The following MYSM1 variants were observed in gnomAD, a reference collection of about 807,000 sequenced individuals.
MYSM1 encodes Myb like, SWIRM and MPN domains 1.
Under a neutral mutation model 116.0 loss-of-function variants are expected in MYSM1, and 51 were observed. That is an observed-to-expected ratio of 0.44 (90% confidence interval 0.35 to 0.56). MYSM1 has a LOEUF of 0.56. Among genes scored for constraint, MYSM1 ranks in the 20% least tolerant of loss-of-function variants. The pLI is 0.00. For synonymous variants in MYSM1, 313 were observed against 315.2 expected, an observed-to-expected ratio of 0.99 and a Z score of 0.07; for missense variants, 900 against 974.9, an observed-to-expected ratio of 0.92 and a Z score of 1.02.
At chr1:58,677,967 G>T (rs969497743) in intron 8 of MYSM1, among the ~76,000 whole-genome samples, 2 of 151,986 alleles carry the variant, frequency 1.3e-5, no homozygotes, top group South Asian at 2.1e-4. Context: ...TTTCTCATTC[G>T]ATCATTATTT....
At position 58,655,498 on chromosome 1, in the gene MYSM1, C is replaced by A. The variant is rs781126913; in HGVS notation, c.*4499G>T. 2.0e-4 allele frequency: 30 copies of A among 152,076 alleles called. No individual in the cohort carries two copies. The highest frequency in any genetic ancestry group is 4.3e-4 in the Non-Finnish European group (29 of 67,996). The allele number at this position is 152,076 out of a possible 1,614,324, so 9.4% of individuals were successfully genotyped here. On this transcript the variant is annotated 3_prime_UTR_variant, in exon 20 of 20. Coordinates refer to ENST00000472487, the MANE Select transcript of MYSM1 (RefSeq NM_001085487.3). ...TTTTTTCCTGATTTAGTGGAGGCAA[C>A]TATTTATTCCCTCCCTTGTTCCAGG... is the stretch of plus-strand genomic sequence containing the variant.
At chr1:58,661,294 A>T (rs1644387687) in intron 18 of MYSM1, 67 bp from the exon 19 acceptor site, 2 of 1,394,164 alleles carry the variant, frequency 1.4e-6, no homozygotes, top group Non-Finnish European at 2.0e-6. Context: ...TTCATAATAA[A>T]CTATCACGGA....
Position 58,671,242 on chromosome 1 carries a change from G to A in MYSM1, c.1661+628C>T, listed in dbSNP as rs376984737. 5.1e-4 allele frequency among the ~76,000 whole-genome samples: 78 copies of A among 152,200 alleles called. 2 individuals carry two copies. The South Asian group carries it at 0.015, about 29-fold the overall frequency. ...CAGGGTTGTCATGAAGACTATATGA[G>A]CTAATAAATATAAAGTGCTTAAAAT... On this transcript the variant is annotated intron_variant, in intron 12 of 19. Transcript: ENST00000472487.
intron 6 of MYSM1, among the ~76,000 whole-genome samples, chr1:58,686,145 A>C (rs1299788404): frequency 6.6e-6 from 1 of 152,008 alleles, no homozygotes; most frequent in Non-Finnish European, 1.5e-5. Flanking sequence ...CCCTCCAACT[A>C]ATGCCTTCTG....
At chr1:58,698,612 A>G (rs190959735) in intron 1 of MYSM1, among the ~76,000 whole-genome samples, 1 of 152,324 alleles carries the variant, frequency 6.6e-6, no homozygotes, top group Admixed American at 6.5e-5. Context: ...CAATGCCCTC[A>G]GGTGACCAAT....
chr1:58,672,793 C>T (rs556465835), intron 11 of MYSM1, among the ~76,000 whole-genome samples: 25 of 152,130 alleles, frequency 1.6e-4, no homozygotes, highest in Non-Finnish European at 2.8e-4. Flanking sequence ...TTGGGAGAAA[C>T]TTACAATTCT....
chr1:58,661,879 T>C (rs1196891423), intron 17 of MYSM1, among the ~76,000 whole-genome samples: 1 of 152,048 alleles, frequency 6.6e-6, no homozygotes. Context: ...GGGATTATCC[T>C]AGACAAACTA....
chr1:58,672,562 T>A (rs1160448624), intron 11 of MYSM1, among the ~76,000 whole-genome samples: 1 of 152,178 alleles, frequency 6.6e-6, no homozygotes, highest in African/African-American at 2.4e-5. Flanking sequence ...TATAAGTGTT[T>A]ATAAAATAAA....
In MYSM1 at chr1:58,655,316, G is replaced by C. The variant is rs2100571303; in HGVS notation, c.*4681C>G. 2.9e-5 allele frequency: 1 copy of C among 34,356 alleles called. No individual in the cohort carries two copies. Among genetic ancestry groups the C allele is most frequent in the Middle Eastern group, 9.4e-3 (1 of 106 alleles). The allele number at this position is 34,356 out of a possible 1,614,324, so 2.1% of individuals were successfully genotyped here. A position where few individuals can be genotyped will look rare whatever the true frequency, so the allele number is the denominator to read the frequency against. On this transcript the variant is annotated 3_prime_UTR_variant, in exon 20 of 20. Transcript: ENST00000472487. Reference sequence around the variant, plus strand: ...GGAAATGTCAAAAATAGCAAATCAGGCATTTTTTTCCCCTGAAATTAAAGT... The same window carrying C: ...GGAAATGTCAAAAATAGCAAATCAGCCATTTTTTTCCCCTGAAATTAAAGT...
rs1227230883 is a variant in MYSM1, at chr1:58,657,482, A to C, written c.*2515T>G. The stretch of plus-strand genomic sequence containing the variant: ...GCTCCATTATCCTCGGTAGTAGCCC[A>C]AGGCTGGTAGTGCCAGCAATGTGGG... On this transcript the variant is annotated 3_prime_UTR_variant, in exon 20 of 20. Coordinates refer to ENST00000472487, the MANE Select transcript of MYSM1 (RefSeq NM_001085487.3). 6.6e-6 allele frequency: 1 copy of C among 152,162 alleles called. No individual in the cohort carries two copies. The highest frequency in any genetic ancestry group is 1.5e-5 in the Non-Finnish European group (1 of 68,024). The allele number at this position is 152,162 out of a possible 1,614,324, so 9.4% of individuals were successfully genotyped here. A position where few individuals can be genotyped will look rare whatever the true frequency, so the allele number is the denominator to read the frequency against.
intron 6 of MYSM1, among the ~76,000 whole-genome samples, chr1:58,687,086 G>C (rs1427526305): frequency 1.3e-5 from 2 of 151,966 alleles, no homozygotes; most frequent in Non-Finnish European, 2.9e-5. Context: ...TCATCAATCA[G>C]TACCACCCAA....
intron 12 of MYSM1, among the ~76,000 whole-genome samples, chr1:58,670,033 A>G (rs1644537132): frequency 6.6e-6 from 1 of 152,148 alleles, no homozygotes; most frequent in Non-Finnish European, 1.5e-5. Context: ...ACAGGAATAC[A>G]TTCGCATTAA....
chr1:58,682,293 T>G lies in MYSM1; in HGVS notation c.751A>C (p.Asn251His), dbSNP rs1344212172. The G allele has an allele frequency of 2.5e-6, 4 of 1,611,476 alleles. No homozygotes were observed. The highest frequency in any genetic ancestry group is 3.4e-6 in the Non-Finnish European group (4 of 1,178,160). Reference protein sequence around the residue: ...SSSDLLLDFPNSKMHETNQGE... With the variant: ...SSSDLLLDFPHSKMHETNQGE... ...TGATTGGTTTCATGCATTTTACTAT[T>G]AGGAAAGTCTAACAAGAGATCACTG... The change falls in exon 8 of 20, where the codon AAT becomes CAT. Residue 251 changes from asparagine (N) to histidine (H), a missense_variant. This residue lies in a region of MYSM1 where 622 missense variants were observed against 623.7 expected (regional missense o/e 1.00). Coordinates refer to ENST00000472487, the MANE Select transcript of MYSM1 (RefSeq NM_001085487.3).
At chr1:58,670,110 AT>A (rs770002089) in intron 12 of MYSM1, among the ~76,000 whole-genome samples, 6 of 152,310 alleles carry the variant, frequency 3.9e-5, no homozygotes, top group Middle Eastern at 3.4e-3. Flanking sequence ...TCAAGAGAAC[AT>A]TTTGTTTTGC....
chr1:58,686,522 C>A (rs1569783641), intron 6 of MYSM1, among the ~76,000 whole-genome samples: 1 of 152,358 alleles, frequency 6.6e-6, no homozygotes, highest in African/African-American at 2.4e-5. Flanking sequence ...TCAAAGATCT[C>A]ACCCAAGTGA....
chr1:58,674,708 G>T (rs546512378), intron 10 of MYSM1, among the ~76,000 whole-genome samples: 24 of 152,138 alleles, frequency 1.6e-4, no homozygotes, highest in Non-Finnish European at 3.4e-4. Context: ...GGCGGATCAT[G>T]AGGTCAGGAG....
rs1644353850 is a variant in MYSM1 at position 58,658,958 on chromosome 1, A to AAACACAC, written c.*1038_*1039insGTGTGTT. 1 of 137,878 alleles carries AAACACAC rather than the reference A, an allele frequency of 7.3e-6. No individual in the cohort carries two copies. The highest frequency in any genetic ancestry group is 2.7e-5 in the African/African-American group (1 of 37,052). 8.5% of individuals were successfully genotyped at this position (137,878 alleles called of 1,614,324 possible). Reference sequence around the variant, plus strand: ...TTTTTATCATTTTAAAGGGCTGTAAAACACACACACACACACACACACACA... The same window carrying AAACACAC: ...TTTTTATCATTTTAAAGGGCTGTAAAAACACACACACACACACACACACACACACACA... On this transcript the variant is annotated 3_prime_UTR_variant, in exon 20 of 20. Coordinates refer to ENST00000472487, the MANE Select transcript of MYSM1 (RefSeq NM_001085487.3).
At position 58,688,841 on chromosome 1, in the gene MYSM1, T is replaced by C. The variant is rs75985457; in HGVS notation, c.399+197A>G. 4.2e-3 allele frequency among the ~76,000 whole-genome samples: 643 copies of C among 152,320 alleles called. 4 individuals carry two copies. The highest frequency in any genetic ancestry group is 0.015 in the African/African-American group (616 of 41,576). On this transcript the variant is annotated intron_variant, in intron 6 of 19. Transcript: ENST00000472487. The stretch of plus-strand genomic sequence containing the variant: ...ATCTAAATCTATTTTAGTATTTTAG[T>C]ACCTTAGATCTAAGTTAAAAGGAAT...
chr1:58,677,453 T>C (rs1420021315), intron 8 of MYSM1, among the ~76,000 whole-genome samples: 3 of 152,172 alleles, frequency 2.0e-5, no homozygotes, highest in African/African-American at 7.2e-5. Context: ...TAGATTCATC[T>C]ACTCTTATTT....
Sources: allele counts gnomAD v4.1 joint callset (sites outside exome capture counted in the v4.1 genomes callset), GRCh38; gene constraint gnomAD v4.1.1; regional missense constraint gnomAD v4.1.1; transcripts MANE v1.5; gene names NCBI Gene and HGNC (gene_info 2026-07-23, HGNC 2026-07-21).